The following CTNNA3 variants were observed in gnomAD, a reference collection of about 807,000 sequenced individuals.
CTNNA3 encodes catenin alpha 3.
In CTNNA3, 76 loss-of-function variants were observed where a neutral mutation model predicts 95.7. The ratio of observed to expected loss-of-function variants is 0.79; its 90% CI spans 0.66 to 0.96. The LOEUF is 0.96. Ranked by LOEUF, CTNNA3 falls within the 40% of genes least tolerant of loss-of-function variation. The pLI, the probability that CTNNA3 is intolerant of heterozygous loss-of-function variation, is 0.00. For synonymous variants in CTNNA3, 431 were observed against 374.4 expected, an observed-to-expected ratio of 1.15 and a Z score of -1.74; for missense variants, 1,191 against 1,089.8, an observed-to-expected ratio of 1.09 and a Z score of -1.31.
chr10:66,238,856 A>C (rs1334902246), intron 13 of CTNNA3, among the ~76,000 whole-genome samples: 4 of 152,022 alleles, frequency 2.6e-5, no homozygotes, highest in Non-Finnish European at 4.4e-5. Context: ...TAATTGTTTT[A>C]TGTGACCATG....
chr10:66,401,805 C>T (rs1023700545), intron 11 of CTNNA3, among the ~76,000 whole-genome samples: 2 of 151,590 alleles, frequency 1.3e-5, no homozygotes, highest in African/African-American at 2.4e-5. Context: ...ATTACAGGTG[C>T]CCACCACCAC....
At chr10:66,533,068 A>T (rs903533325) in intron 10 of CTNNA3, among the ~76,000 whole-genome samples, 3 of 152,132 alleles carry the variant, frequency 2.0e-5, no homozygotes, top group Admixed American at 2.0e-4. Context: ...ATATTTCCAA[A>T]TTACTAATTT....
At chr10:65,970,683 T>C (rs145555572) in intron 16 of CTNNA3, among the ~76,000 whole-genome samples, 3 of 148,070 alleles carry the variant, frequency 2.0e-5, no homozygotes, top group Non-Finnish European at 4.5e-5. Context: ...ATATATAACA[T>C]ATTAGGTAAA....
intron 7 of CTNNA3, among the ~76,000 whole-genome samples, chr10:66,897,507 T>G (rs1490055477): frequency 6.6e-6 from 1 of 152,160 alleles, no homozygotes; most frequent in Non-Finnish European, 1.5e-5. Context: ...TAACTGTGTA[T>G]GGATTGGTAG....
At chr10:66,234,036 A>T (rs138570617) in intron 13 of CTNNA3, among the ~76,000 whole-genome samples, 147 of 152,272 alleles carry the variant, frequency 9.7e-4, no homozygotes, top group Non-Finnish European at 1.8e-3. Flanking sequence ...AAAACTAAAA[A>T]ATAACAGGCA....
At chr10:67,649,260 A>G (rs915480590) in intron 1 of CTNNA3, among the ~76,000 whole-genome samples, 1 of 152,262 alleles carries the variant, frequency 6.6e-6, no homozygotes, top group South Asian at 2.1e-4. Flanking sequence ...CTTTAAAAAC[A>G]TGTCATTTTC....
chr10:67,650,082 G>A (rs1239937445), intron 1 of CTNNA3, among the ~76,000 whole-genome samples: 11 of 151,936 alleles, frequency 7.2e-5, no homozygotes, highest in Admixed American at 1.3e-4. Context: ...CAGGTGATCC[G>A]CCCGCCTCAC....
At chr10:66,254,326 A>G (rs957735290) in intron 13 of CTNNA3, among the ~76,000 whole-genome samples, 1 of 152,190 alleles carries the variant, frequency 6.6e-6, no homozygotes, top group Non-Finnish European at 1.5e-5. Flanking sequence ...TAGAATTTCT[A>G]TAGATCTCTG....
chr10:67,377,844 A>G (rs1448298794), intron 5 of CTNNA3, among the ~76,000 whole-genome samples: 1 of 152,080 alleles, frequency 6.6e-6, no homozygotes, highest in Non-Finnish European at 1.5e-5. Flanking sequence ...TAGTCATCCT[A>G]CAGTGCTAGA....
chr10:66,629,984 A>C (rs1347764665), intron 9 of CTNNA3, among the ~76,000 whole-genome samples: 1 of 152,164 alleles, frequency 6.6e-6, no homozygotes, highest in African/African-American at 2.4e-5. Context: ...TTTTTCCTTC[A>C]GAGCATGATT....
At chr10:67,188,643 T>C (rs184283412) in intron 6 of CTNNA3, among the ~76,000 whole-genome samples, 72 of 152,254 alleles carry the variant, frequency 4.7e-4, no homozygotes, top group Non-Finnish European at 7.6e-4. Flanking sequence ...CACTACTGTG[T>C]ATATATCCAA....
chr10:65,921,507 C>T (rs1041443608), intron 17 of CTNNA3, among the ~76,000 whole-genome samples: 1 of 152,228 alleles, frequency 6.6e-6, no homozygotes, highest in Admixed American at 6.5e-5. Context: ...GCTTTCTACT[C>T]GTAGGACACT....
At chr10:66,548,925 G>T (rs1021232044) in intron 10 of CTNNA3, among the ~76,000 whole-genome samples, 9 of 149,912 alleles carry the variant, frequency 6.0e-5, no homozygotes, top group African/African-American at 2.2e-4. Context: ...TTTTATAATG[G>T]AAAGGTTTTG....
At chr10:66,974,804 G>GTT (rs995518438) in intron 7 of CTNNA3, among the ~76,000 whole-genome samples, 3 of 140,172 alleles carry the variant, frequency 2.1e-5, no homozygotes, top group Admixed American at 7.1e-5. Flanking sequence ...CCAACCATTT[G>GTT]TTTTTTTTTT....
chr10:66,113,784 G>A (rs2082206833), intron 13 of CTNNA3, among the ~76,000 whole-genome samples: 1 of 152,082 alleles, frequency 6.6e-6, no homozygotes, highest in African/African-American at 2.4e-5. Flanking sequence ...ATCTCTTATA[G>A]ATTGTTAACT....
At chr10:66,312,204 C>T (rs1394266041) in intron 12 of CTNNA3, among the ~76,000 whole-genome samples, 1 of 152,148 alleles carries the variant, frequency 6.6e-6, no homozygotes, top group African/African-American at 2.4e-5. Context: ...ACTCTCCTGA[C>T]TCACTTGCTT....
At chr10:66,537,671 G>A (rs1479659869) in intron 10 of CTNNA3, among the ~76,000 whole-genome samples, 2 of 150,450 alleles carry the variant, frequency 1.3e-5, no homozygotes, top group Admixed American at 1.3e-4. Context: ...TTTAAGAATG[G>A]AGTCTTAGCC....
At chr10:66,195,586 C>T (rs1032837040) in intron 13 of CTNNA3, among the ~76,000 whole-genome samples, 137 of 152,264 alleles carry the variant, frequency 9.0e-4, no homozygotes, top group African/African-American at 3.2e-3. Flanking sequence ...CAGAAGCAGA[C>T]CAGATGGTCC....
chr10:67,641,937 A>C (rs951299520), intron 2 of CTNNA3, among the ~76,000 whole-genome samples: 7 of 152,286 alleles, frequency 4.6e-5, no homozygotes, highest in Non-Finnish European at 7.4e-5. Context: ...CAGCACACCA[A>C]CATGGCACAT....
Sources: gnomAD v4.1 joint callset for allele counts (sites outside exome capture counted in the v4.1 genomes callset) on GRCh38, gnomAD v4.1.1 for gene constraint, MANE v1.5 for transcripts, NCBI Gene and HGNC (gene_info 2026-07-23, HGNC 2026-07-21) for gene names.